The following PLCH2 variants were observed in gnomAD, a reference collection of about 807,000 sequenced individuals.
PLCH2 encodes 1-phosphatidylinositol 4,5-bisphosphate phosphodiesterase eta-2.
PLCH2 carries 98 observed loss-of-function variants against 134.7 expected under a neutral mutation model. The ratio of observed to expected loss-of-function variants is 0.73; its 90% CI spans 0.62 to 0.86. The LOEUF is 0.86. PLCH2 is among the 40% of genes least tolerant of loss of function. PLCH2 has a pLI of 0.00. For missense variants in PLCH2, 1,994 were observed against 1,986.6 expected (o/e 1.00, Z -0.07); for synonymous variants, 974 against 827.5 (o/e 1.18, Z -3.04).
chr1:2,494,593 G>A lies in PLCH2; in HGVS notation c.1660-263G>A, dbSNP rs1558022133. ...ACATGAGAGACGCTGAGGCAGGTGT[G>A]AGCGAATGTTTCCACCGGGGCCTGA... On this transcript the variant is annotated intron_variant, in intron 11 of 21. Coordinates refer to ENST00000378486, the MANE Select transcript of PLCH2 (RefSeq NM_014638.4). 5.2e-6 allele frequency: 3 copies of A among 575,232 alleles called. No individual in the cohort carries two copies. In the African/African-American group the frequency reaches 5.6e-5, roughly 11 times the overall value. The allele number at this position is 575,232 out of a possible 1,614,324, so 35.6% of individuals were successfully genotyped here.
At chr1:2,453,921 A>C (rs1382050336) in intron 2 of PLCH2, among the ~76,000 whole-genome samples, 2 of 151,342 alleles carry the variant, frequency 1.3e-5, no homozygotes, top group African/African-American at 4.9e-5. Context: ...GGGGTGGGGG[A>C]AAGAGGGCAG....
rs35263617 is a variant in PLCH2, at chr1:2,431,330, C to CGTGT, written c.115+715_115+718dup. On this transcript the variant is annotated intron_variant, in intron 2 of 3. Coordinates refer to the PLCH2 transcript ENST00000609981. ...TGCCTACATGGTGTGTGCCCAAGTG[C>CGTGT]GTGTGTGTGTGTGTGTGCTCATGCT... is the stretch of plus-strand genomic sequence containing the variant. 1.2e-3 allele frequency among the ~76,000 whole-genome samples: 175 copies of CGTGT among 151,212 alleles called. 2 individuals carry two copies. Among genetic ancestry groups the CGTGT allele is most frequent in the African/African-American group, 2.7e-3 (111 of 41,238 alleles).
In PLCH2 at chr1:2,487,722, A is replaced by C. The variant is rs762326590; in HGVS notation, c.1235+4A>C. The C allele has an allele frequency of 6.2e-7, 1 of 1,612,558 alleles. No homozygotes were observed. Among genetic ancestry groups the C allele is most frequent in the Non-Finnish European group, 8.5e-7 (1 of 1,179,566 alleles). On this transcript the variant is annotated splice_donor_region_variant and intron_variant, in intron 8 of 21. Transcript: ENST00000378486. Reference sequence around the variant, plus strand: ...AATATGCCTTCATCAAGAATGAGTGAGTGGCTGGGCCTAGCGGGGCTGGCC... The same window carrying C: ...AATATGCCTTCATCAAGAATGAGTGCGTGGCTGGGCCTAGCGGGGCTGGCC...
intron 2 of PLCH2, among the ~76,000 whole-genome samples, chr1:2,443,038 G>C (rs1209531390): frequency 6.6e-6 from 1 of 152,224 alleles, no homozygotes; most frequent in Admixed American, 6.5e-5. Flanking sequence ...CCAGGGTCTG[G>C]AACAGTGGAA....
Position 2,488,211 on chromosome 1 carries a change from T to C in PLCH2, c.1235+493T>C, listed in dbSNP as rs114293120. ...GAAGAGAGAAGAAGCAAGATTGATT[T>C]AGGAAACAGAAGTAGATGGGCCTCT... On this transcript the variant is annotated intron_variant, in intron 8 of 21. Coordinates refer to ENST00000378486, the MANE Select transcript of PLCH2 (RefSeq NM_014638.4). Among the ~76,000 whole-genome samples, 188 of 152,286 alleles carry C rather than the reference T, an allele frequency of 1.2e-3. 1 individual carries two copies. Among genetic ancestry groups the C allele is most frequent in the African/African-American group, 4.1e-3 (171 of 41,540 alleles).
chr1:2,488,711 G>A (rs1478780781), intron 8 of PLCH2, among the ~76,000 whole-genome samples: 1 of 152,238 alleles, frequency 6.6e-6, no homozygotes, highest in Admixed American at 6.5e-5. Context: ...TAATAACCAT[G>A]TTCCACCAGA....
Position 2,446,136 on chromosome 1 carries a change from G to A in PLCH2, c.115+15507G>A, listed in dbSNP as rs551430961. The stretch of plus-strand genomic sequence containing the variant: ...CCTGTCCACTGCAGTCCTAGCCAGG[G>A]TGCTGCCCCTGGCTGCCAGGAAGGG... On this transcript the variant is annotated intron_variant, in intron 2 of 3. Transcript: ENST00000609981. Among the ~76,000 whole-genome samples, 7 of 152,362 alleles carry A rather than the reference G, an allele frequency of 4.6e-5. No homozygotes were observed. In the East Asian group the frequency reaches 1.2e-3, roughly 25 times the overall value.
At chr1:2,463,429 C>T (rs1453993126), upstream of PLCH2, among the ~76,000 whole-genome samples, 4 of 152,232 alleles carry the variant, frequency 2.6e-5, no homozygotes, top group East Asian at 7.7e-4. Context: ...CTGCAGAGCC[C>T]CTGCCTGCTG....
rs752409336 is a variant in PLCH2, at chr1:2,479,772, C to T, written c.310C>T (p.Gln104Ter). 2 of 1,552,958 alleles carry T rather than the reference C, an allele frequency of 1.3e-6. No individual in the cohort carries two copies. The highest frequency in any genetic ancestry group is 1.2e-5 in the South Asian group (1 of 84,880). Residue 104 changes from glutamine to a stop codon, truncating the protein, a stop_gained, in exon 3 of 22, where the codon CAG becomes TAG. Transcript: ENST00000378486. LOFTEE classifies it high-confidence loss of function. ...CATCCAGGAGGTGAGTGAGGGGCGG[C>T]AGTCGGAGGTCTTCCAGCGCTACCC... The part of the protein sequence containing the change: ...DSIQEVSEGR[Q>*]SEVFQRYPDG...
chr1:2,426,144 C>G (rs565441892), intron 1 of PLCH2: 1 of 152,228 alleles, frequency 6.6e-6, no homozygotes, highest in Non-Finnish European at 1.5e-5. Context: ...GTATCTGAGC[C>G]GAGGCCCAGG....
intron 21 of PLCH2, chr1:2,502,800 G>A (rs536653808): frequency 3.9e-5 from 28 of 717,062 alleles, no homozygotes; most frequent in African/African-American, 1.0e-4. Context: ...AGGTCCCCCC[G>A]CTGGCCTGAG....
At chr1:2,488,990 A>T (rs1294332371) in intron 8 of PLCH2, among the ~76,000 whole-genome samples, 1 of 152,026 alleles carries the variant, frequency 6.6e-6, no homozygotes, top group Non-Finnish European at 1.5e-5. Context: ...AGTCCCTAAG[A>T]TTCTCCCAGC....
chr1:2,418,779 C>T, the PLCH2 span, among the ~76,000 whole-genome samples: 1 of 152,222 alleles, frequency 6.6e-6, no homozygotes, highest in African/African-American at 2.4e-5. Context: ...GACCTGTGCG[C>T]TTATGACGGC....
Position 2,498,532 on chromosome 1 carries a change from AC to A in PLCH2, c.2238del (p.Asn747ThrfsTer112). 6.2e-7 allele frequency: 1 copy of A among 1,607,806 alleles called. No individual in the cohort carries two copies. The highest frequency in any genetic ancestry group is 8.5e-7 in the Non-Finnish European group (1 of 1,178,904). The part of the protein sequence containing the change: ...KPGCMCQGVF[N>X]PNSEDPLPGQ... ...CCCGGCATCCCCTCAGGCGTGTTCA[AC>A]CCCAACTCGGAGGACCCCCTGCCCG... On this transcript the variant is annotated frameshift_variant, in exon 17 of 22. Coordinates refer to ENST00000378486, the MANE Select transcript of PLCH2 (RefSeq NM_014638.4). LOFTEE classifies it high-confidence loss of function. This position sits in a 1 kb window ranked among gnomAD's most constrained non-coding sequence, Gnocchi z 5.4.
upstream of PLCH2, among the ~76,000 whole-genome samples, chr1:2,423,465 GGT>G (rs1464060162): frequency 1.3e-5 from 2 of 152,190 alleles, no homozygotes; most frequent in Non-Finnish European, 2.9e-5. Context: ...GAGACAGCAG[GGT>G]TTGCAGCAGA....
chr1:2,459,276 C>G (rs61277936), intron 2 of PLCH2, among the ~76,000 whole-genome samples: 87,018 of 150,362 alleles, frequency 0.58, 25,976 homozygotes, highest in East Asian at 0.87. Flanking sequence ...CCCCTTGCAG[C>G]CTTGCCGGTG....
At chr1:2,494,078 A>G (rs1570462668) in intron 11 of PLCH2, among the ~76,000 whole-genome samples, 2 of 152,114 alleles carry the variant, frequency 1.3e-5, no homozygotes, top group African/African-American at 4.8e-5. Context: ...CTGTGTTTCA[A>G]AGAAAGTAGC....
rs558374674 is a variant in PLCH2 at position 2,444,651 on chromosome 1, A to G, written c.115+14022A>G. ...GCTGGTGGAGGAAGATGCCAAGGAG[A>G]TAAGAGGCTTCCCCTCCCCTCCGCT... On this transcript the variant is annotated intron_variant, in intron 2 of 3. Coordinates refer to the PLCH2 transcript ENST00000609981. The surrounding 1 kb of genome is among the most constrained non-coding windows in gnomAD (Gnocchi z 4.6). 5.3e-5 allele frequency among the ~76,000 whole-genome samples: 8 copies of G among 151,926 alleles called. No homozygotes were observed. Among genetic ancestry groups the G allele is most frequent in the South Asian group, 4.2e-4 (2 of 4,794 alleles).
Position 2,448,309 on chromosome 1 carries a change from C to T in PLCH2, c.115+17680C>T, listed in dbSNP as rs868365269. Among the ~76,000 whole-genome samples, 20 of 152,154 alleles carry T rather than the reference C, an allele frequency of 1.3e-4. No individual in the cohort carries two copies. The highest frequency in any genetic ancestry group is 2.6e-4 in the Non-Finnish European group (18 of 68,026). ...TCTGAGGTCAGGGTGTGGGTGGGGC[C>T]GCGCTCCCTCTGCAGGCTCCCCGGG... On this transcript the variant is annotated intron_variant, in intron 2 of 3. Transcript: ENST00000609981. The surrounding 1 kb of genome is among the most constrained non-coding windows in gnomAD (Gnocchi z 4.0).
Sources: allele counts gnomAD v4.1 joint callset (sites outside exome capture counted in the v4.1 genomes callset), GRCh38; gene constraint gnomAD v4.1.1; non-coding constraint Gnocchi (gnomAD v3.1); transcripts MANE v1.5; gene names NCBI Gene and HGNC (gene_info 2026-07-23, HGNC 2026-07-21).